The following APOL4 variants were observed in gnomAD, a reference collection of about 807,000 sequenced individuals.
APOL4 encodes the protein apolipoprotein L, 4.
Under a neutral mutation model 12.1 loss-of-function variants are expected in APOL4, and 14 were observed. The observed-to-expected ratio is 1.16, with a 90% CI of 0.76 to 1.81. The LOEUF is 1.81. APOL4 is among the 40% of genes most tolerant of loss of function. APOL4 has a pLI of 0.00. For synonymous variants in APOL4, 171 were observed against 160.6 expected (o/e 1.06, Z -0.49); for missense variants, 432 against 423.1 (o/e 1.02, Z -0.18).
upstream of APOL4, chr22:36,202,039 C>T (rs368968752): frequency 1.4e-5 from 23 of 1,613,948 alleles, no homozygotes; most frequent in African/African-American, 2.7e-5. Flanking sequence ...CCCTCCATGT[C>T]GCTGCGGGGC....
upstream of APOL4, among the ~76,000 whole-genome samples, chr22:36,203,728 G>A (rs2146953042): frequency 6.6e-6 from 1 of 152,296 alleles, no homozygotes; most frequent in African/African-American, 2.4e-5. Flanking sequence ...GCCCTAGCTT[G>A]TCCATATGGA....
rs1603477549 is a variant in APOL4, at chr22:36,192,034, C to G, written c.210-122G>C. On this transcript the variant is annotated intron_variant, in intron 3 of 3. Transcript: ENST00000683024. ...CTATAAGTCAAATGGAAGTAAAGTT[C>G]TAAAAGATAAATAATTCTTTTCAAG... The G allele has an allele frequency of 1.4e-5, 14 of 987,356 alleles. No homozygotes were observed. The South Asian group carries it at 2.5e-4, about 18-fold the overall frequency. The allele number at this position is 987,356 out of a possible 1,614,324, so 61.2% of individuals were successfully genotyped here. A position where few individuals can be genotyped will look rare whatever the true frequency, so the allele number is the denominator to read the frequency against.
In APOL4 at chr22:36,195,367, G is replaced by A. The variant is rs1603478094; in HGVS notation, c.153C>T (p.Ile51=). 2 of 1,613,738 alleles carry A rather than the reference G, an allele frequency of 1.2e-6. No homozygotes were observed. The highest frequency in any genetic ancestry group is 1.3e-5 in the African/African-American group (1 of 74,782). The change falls in exon 3 of 4, where the codon ATC becomes ATT. Residue 51 remains isoleucine (I), a synonymous_variant. Transcript: ENST00000683024. The stretch of plus-strand genomic sequence containing the variant: ...TCCAGGCTTCATCGCTAGTCAGCAG[G>A]ATTTTCAGATGCACTGGGCTAACTT... ...QKKVSPVHLK[I]LLTSDEAWKR...
chr22:36,201,969 C>G (rs2014595639), upstream of APOL4: 1 of 1,614,080 alleles, frequency 6.2e-7, no homozygotes, highest in Non-Finnish European at 8.5e-7. Flanking sequence ...TCCCTCCCAC[C>G]TCAGGGCTCT....
In APOL4 at chr22:36,189,459, GCTGACTCA is replaced by G. The variant is rs1201402229; in HGVS notation, c.*1608_*1615del. ...CACCACCATCATCAAGAAGCCACTG[GCTGACTCA>G]GATACACCCCCGGGAGGACAAGGGA... On this transcript the variant is annotated 3_prime_UTR_variant, in exon 4 of 4. Transcript: ENST00000683024. 2 of 152,344 alleles carry G rather than the reference GCTGACTCA, an allele frequency of 1.3e-5. No individual in the cohort carries two copies. Among genetic ancestry groups the G allele is most frequent in the African/African-American group, 4.8e-5 (2 of 41,400 alleles). The allele number at this position is 152,344 out of a possible 1,614,324, so 9.4% of individuals were successfully genotyped here.
chr22:36,201,692 G>T lies in APOL4; in HGVS notation c.35+8C>A. 2 of 1,603,458 alleles carry T rather than the reference G, an allele frequency of 1.2e-6. No individual in the cohort carries two copies. The highest frequency in any genetic ancestry group is 1.7e-5 in the Admixed American group (1 of 58,796). On this transcript the variant is annotated splice_region_variant and intron_variant, in intron 1 of 3. Transcript: ENST00000683024. The stretch of plus-strand genomic sequence containing the variant: ...CAGGAGGGCAGAGAGCTGGGGCCTC[G>T]GACTCACCCGACGCTTGTGATGAGC...
At chr22:36,197,849 G>A (rs1221992022) in intron 2 of APOL4, 5 of 1,542,648 alleles carry the variant, frequency 3.2e-6, no homozygotes, top group Non-Finnish European at 4.4e-6. Context: ...ACAGGAAGTG[G>A]CCAATCTGGC....
Position 36,200,895 on chromosome 22 carries a change from G to A in APOL4, c.35+805C>T, listed in dbSNP as rs146728397. ...CAATACCAATTAGTACAAACTTTAA[G>A]GCACGAAGGTAGCAGTTGAGATGTG... On this transcript the variant is annotated intron_variant, in intron 1 of 3. Coordinates refer to ENST00000683024, the MANE Select transcript of APOL4 (RefSeq NM_001386885.1). Among the ~76,000 whole-genome samples, 837 of 152,240 alleles carry A rather than the reference G, an allele frequency of 5.5e-3. 14 individuals carry two copies. The highest frequency in any genetic ancestry group is 0.048 in the East Asian group (247 of 5,186).
intron 3 of APOL4, among the ~76,000 whole-genome samples, chr22:36,193,953 A>C (rs2014332989): frequency 6.6e-6 from 1 of 152,240 alleles, no homozygotes; most frequent in African/African-American, 2.4e-5. Flanking sequence ...AGCAGGTGAC[A>C]GCTTCATGTG....
At chr22:36,204,605 A>G, upstream of APOL4, 3 of 445,938 alleles carry the variant, frequency 6.7e-6, no homozygotes, top group Non-Finnish European at 7.6e-6. Flanking sequence ...AGATGGAGGG[A>G]GGTCACACCA....
intron 3 of APOL4, among the ~76,000 whole-genome samples, chr22:36,194,423 G>T (rs2146938879): frequency 6.6e-6 from 1 of 152,162 alleles, no homozygotes; most frequent in South Asian, 2.1e-4. Flanking sequence ...CCTCCTCCCA[G>T]CCTTGATGCT....
intron 1 of APOL4, among the ~76,000 whole-genome samples, chr22:36,201,374 C>T (rs536709394): frequency 1.3e-5 from 2 of 150,794 alleles, no homozygotes; most frequent in Admixed American, 6.6e-5. Context: ...AAGCCACTCG[C>T]CTCCCTCTTT....
At chr22:36,197,678 G>A (rs758078323) in intron 2 of APOL4, 1 of 1,550,298 alleles carries the variant, frequency 6.5e-7, no homozygotes, top group Admixed American at 2.0e-5. Flanking sequence ...GGCCAGTCAT[G>A]AGCAGCCAGC....
upstream of APOL4, among the ~76,000 whole-genome samples, chr22:36,202,592 G>A (rs1460229220): frequency 1.3e-5 from 2 of 151,992 alleles, no homozygotes; most frequent in Admixed American, 6.5e-5. Flanking sequence ...CGAGTGTAGT[G>A]GCGGGCGCCT....
intron 2 of APOL4, chr22:36,197,463 TA>T: frequency 1.1e-6 from 1 of 916,512 alleles, no homozygotes. Flanking sequence ...CCTCCAGCAC[TA>T]AATTTGTGTT....
rs1398798907 is a variant in APOL4, at chr22:36,201,763, G to A, written c.-29C>T. On this transcript the variant is annotated 5_prime_UTR_variant, in exon 1 of 4. Coordinates refer to ENST00000683024, the MANE Select transcript of APOL4 (RefSeq NM_001386885.1). ...CCTTGGTCATTGTTGGCCTGGCTCAGACGCTGATCTGGGGCCTCTGCTGAA... is the reference window on the plus strand; with the variant it reads ...CCTTGGTCATTGTTGGCCTGGCTCAAACGCTGATCTGGGGCCTCTGCTGAA... The A allele has an allele frequency of 3.1e-6, 5 of 1,600,832 alleles. No homozygotes were observed. The South Asian group carries it at 3.4e-5, about 11-fold the overall frequency.
chr22:36,203,548 T>A (rs2014644740), upstream of APOL4, among the ~76,000 whole-genome samples: 1 of 152,198 alleles, frequency 6.6e-6, no homozygotes, highest in Non-Finnish European at 1.5e-5. Context: ...TAACCTATGA[T>A]TAGCAAGATA....
At chr22:36,201,866 A>T, upstream of APOL4, 3 of 1,581,692 alleles carry the variant, frequency 1.9e-6, 1 homozygote, top group Non-Finnish European at 2.6e-6. Context: ...CAGTTGGTCA[A>T]TTCCGGGAAG....
chr22:36,202,203 C>T (rs936621513), upstream of APOL4: 11 of 1,036,798 alleles, frequency 1.1e-5, no homozygotes, highest in East Asian at 2.6e-5. Context: ...ATCTGCTGGG[C>T]TCAAGTGATC....
Sources: gnomAD v4.1 joint callset for allele counts (sites outside exome capture counted in the v4.1 genomes callset) on GRCh38, gnomAD v4.1.1 for gene constraint, MANE v1.5 for transcripts, NCBI Gene and HGNC (gene_info 2026-07-23, HGNC 2026-07-21) for gene names.